PGR: variants seen among roughly 807,000 people sequenced by gnomAD.
The protein encoded by PGR is progesterone receptor, also known as nuclear receptor subfamily 3 group C member 3.
In PGR, 25 loss-of-function variants were observed where a neutral mutation model predicts 76.1. The observed-to-expected ratio is 0.33, with a 90% CI of 0.24 to 0.46. The LOEUF (loss-of-function observed/expected upper bound fraction) is 0.46, where lower values mean the gene tolerates loss of function less well. Ranked by LOEUF, PGR falls within the 20% of genes least tolerant of loss-of-function variation. PGR has a pLI of 1.00. For missense variants in PGR, 1,172 were observed against 1,225.3 expected, an observed-to-expected ratio of 0.96 and a Z score of 0.65; for synonymous variants, 579 against 535.0, an observed-to-expected ratio of 1.08 and a Z score of -1.14.
At chr11:101,117,734 CT>C (rs1862555166) in intron 2 of PGR, among the ~76,000 whole-genome samples, 1 of 152,038 alleles carries the variant, frequency 6.6e-6, no homozygotes, top group African/African-American at 2.4e-5. Context: ...ATTACTGTCT[CT>C]GTTTTTAAAG....
intron 2 of PGR, among the ~76,000 whole-genome samples, chr11:101,119,594 A>T (rs551765661): frequency 6.2e-4 from 94 of 152,280 alleles, no homozygotes; most frequent in African/African-American, 2.2e-3. Context: ...CTTGATTGAG[A>T]TCTAAGGGTT....
chr11:101,111,923 C>A (rs560182503), intron 2 of PGR, among the ~76,000 whole-genome samples: 31 of 152,240 alleles, frequency 2.0e-4, no homozygotes, highest in Non-Finnish European at 4.1e-4. Context: ...CAGCACTGGA[C>A]CCTCTCATAT....
At chr11:101,105,931 C>T (rs980526202) in intron 2 of PGR, among the ~76,000 whole-genome samples, 5 of 152,166 alleles carry the variant, frequency 3.3e-5, no homozygotes, top group African/African-American at 9.7e-5. Context: ...CACACATATA[C>T]AACCATCTGA....
chr11:101,052,994 G>A (rs1023050438), intron 4 of PGR, among the ~76,000 whole-genome samples: 3 of 151,974 alleles, frequency 2.0e-5, no homozygotes, highest in Non-Finnish European at 2.9e-5. Flanking sequence ...AGAAGTATGG[G>A]GAGATATATG....
intron 3 of PGR, among the ~76,000 whole-genome samples, chr11:101,087,612 C>T (rs1318631211): frequency 6.6e-6 from 1 of 152,008 alleles, no homozygotes; most frequent in Non-Finnish European, 1.5e-5. Context: ...AGTTTCTGCA[C>T]AGCAAAATAA....
chr11:101,077,301 C>A (rs1004287960), intron 3 of PGR, among the ~76,000 whole-genome samples: 1 of 152,102 alleles, frequency 6.6e-6, no homozygotes, highest in Non-Finnish European at 1.5e-5. Flanking sequence ...TGGCACTACA[C>A]TTTAACAATC....
At chr11:101,041,764 G>T in intron 7 of PGR, 181 bp downstream of exon 7, 2 of 592,488 alleles carry the variant, frequency 3.4e-6, no homozygotes, top group Non-Finnish European at 5.9e-6. Flanking sequence ...TATTTGAGTG[G>T]TCTATATTGA....
chr11:101,087,020 T>G (rs1339150762), intron 3 of PGR, among the ~76,000 whole-genome samples: 2 of 152,252 alleles, frequency 1.3e-5, no homozygotes, highest in Non-Finnish European at 2.9e-5. Flanking sequence ...CCAAAGCAAT[T>G]TACAGATTCA....
Position 101,032,728 on chromosome 11 carries a change from A to G in PGR, c.*6388T>C, listed in dbSNP as rs1859390362. ...GTAGGTGCTCCTCTTAGGTGCTCCAATAGTTCCCTGTACTTCCTCCAGCAT... is the reference window on the plus strand; with the variant it reads ...GTAGGTGCTCCTCTTAGGTGCTCCAGTAGTTCCCTGTACTTCCTCCAGCAT... On this transcript the variant is annotated 3_prime_UTR_variant, in exon 8 of 8. Transcript: ENST00000325455. The G allele has an allele frequency of 4.9e-6, 1 of 204,864 alleles. No homozygotes were observed. The highest frequency in any genetic ancestry group is 1.0e-5 in the Non-Finnish European group (1 of 100,086). The allele number at this position is 204,864 out of a possible 1,614,324, so 12.7% of individuals were successfully genotyped here. A position where few individuals can be genotyped will look rare whatever the true frequency, so the allele number is the denominator to read the frequency against.
intron 4 of PGR, among the ~76,000 whole-genome samples, chr11:101,054,689 C>T (rs1860227604): frequency 6.6e-6 from 1 of 152,184 alleles, no homozygotes; most frequent in South Asian, 2.1e-4. Flanking sequence ...CACTTACTAA[C>T]AGCCACTTTG....
chr11:101,107,000 G>T (rs886760687), intron 2 of PGR, among the ~76,000 whole-genome samples: 3 of 152,166 alleles, frequency 2.0e-5, no homozygotes, highest in Admixed American at 6.5e-5. Context: ...CTGATAAGTG[G>T]GAGTTGAGCA....
intron 3 of PGR, among the ~76,000 whole-genome samples, chr11:101,077,349 G>A (rs116538972): frequency 0.011 from 1,649 of 152,144 alleles, 37 homozygotes; most frequent in African/African-American, 0.038. Flanking sequence ...CCATTTTTCA[G>A]GATTCACCTC....
rs1859553137 is a variant in PGR, at chr11:101,037,598, G to A, written c.*1518C>T. The stretch of plus-strand genomic sequence containing the variant: ...AAAAACTTAGAACAAGGAATCTAAA[G>A]TATTGTCCTTAAGACACATAAAATA... On this transcript the variant is annotated 3_prime_UTR_variant, in exon 8 of 8. Coordinates refer to ENST00000325455, the MANE Select transcript of PGR (RefSeq NM_000926.4). 1 of 227,314 alleles carries A rather than the reference G, an allele frequency of 4.4e-6. No individual in the cohort carries two copies. Among genetic ancestry groups the A allele is most frequent in the Non-Finnish European group, 8.7e-6 (1 of 114,442 alleles). 14.1% of individuals were successfully genotyped at this position (227,314 alleles called of 1,614,324 possible). A position where few individuals can be genotyped will look rare whatever the true frequency, so the allele number is the denominator to read the frequency against.
chr11:101,045,665 T>TTTTG (rs1409576351), intron 6 of PGR, among the ~76,000 whole-genome samples: 3 of 149,134 alleles, frequency 2.0e-5, no homozygotes, highest in African/African-American at 7.4e-5. Context: ...CTATTCCATT[T>TTTTG]TGTGTGTGTG....
intron 2 of PGR, among the ~76,000 whole-genome samples, chr11:101,118,717 T>C (rs493957): frequency 0.25 from 38,339 of 152,126 alleles, 5,801 homozygotes; most frequent in Non-Finnish European, 0.35. Context: ...AAAAGCATAA[T>C]ATCTCATCAG....
intron 2 of PGR, among the ~76,000 whole-genome samples, chr11:101,110,065 C>A (rs571171201): frequency 6.6e-6 from 1 of 152,236 alleles, no homozygotes; most frequent in South Asian, 2.1e-4. Context: ...ACTGTTGAGA[C>A]CTACTGCTTA....
chr11:101,039,723 C>A (rs983945881), intron 7 of PGR, among the ~76,000 whole-genome samples: 2 of 151,938 alleles, frequency 1.3e-5, no homozygotes, highest in African/African-American at 4.8e-5. Flanking sequence ...CAAAGTAATT[C>A]ATGTGTATAA....
At chr11:101,059,406 C>T (rs773693367) in intron 4 of PGR, among the ~76,000 whole-genome samples, 2 of 152,052 alleles carry the variant, frequency 1.3e-5, no homozygotes, top group Admixed American at 1.3e-4. Context: ...TGTTGCTCTA[C>T]ATTTCAAATA....
rs1408126866 is a variant in PGR at position 101,127,672 on chromosome 11, C to A, written c.1399G>T (p.Gly467Cys). The A allele has an allele frequency of 8.4e-6, 13 of 1,549,026 alleles. No individual in the cohort carries two copies. The highest frequency in any genetic ancestry group is 1.4e-5 in the African/African-American group (1 of 72,554). ...AACGGGCCCTGCTGGGGCGGCGCGC[C>A]CTCCGCTTTGTACAGGATGCACTCC... ...TLECILYKAE[G>C]APPQQGPFAP... Residue 467 changes from glycine (G) to cysteine (C), a missense_variant, in exon 1 of 8, where the codon GGC becomes TGC. By Grantham distance (159) the Gly-to-Cys change is radical (BLOSUM62 -3). Around this residue, in one of 4 missense-constraint regions of PGR, gnomAD observed 893 missense variants for 785.9 expected, o/e 1.14. Coordinates refer to ENST00000325455, the MANE Select transcript of PGR (RefSeq NM_000926.4).
Sources: gnomAD v4.1 joint callset for allele counts (sites outside exome capture counted in the v4.1 genomes callset) on GRCh38, gnomAD v4.1.1 for gene constraint, gnomAD v4.1.1 regional missense constraint, MANE v1.5 for transcripts, NCBI Gene and HGNC (gene_info 2026-07-23, HGNC 2026-07-21) for gene names.